TNRC6C: variants seen among roughly 807,000 people sequenced by gnomAD.
TNRC6C encodes trinucleotide repeat-containing gene 6C protein.
A neutral mutation model predicts 153.7 loss-of-function variants in TNRC6C; 20 were observed. The ratio of observed to expected loss-of-function variants is 0.13; its 90% CI spans 0.09 to 0.19. TNRC6C has a LOEUF of 0.19. Among genes scored for constraint, TNRC6C ranks in the 10% least tolerant of loss-of-function variants. TNRC6C has a pLI of 1.00. For missense variants in TNRC6C, 1,987 were observed against 2,172.0 expected, an observed-to-expected ratio of 0.91 and a Z score of 1.69; for synonymous variants, 811 against 841.4, an observed-to-expected ratio of 0.96 and a Z score of 0.63.
chr17:78,098,398 A>G, exon 17 of TNRC6C: 1 of 1,613,812 alleles, frequency 6.2e-7, no homozygotes, highest in South Asian at 1.1e-5. Flanking sequence ...CCCACACGCA[A>G]GCCTCTCTGT....
intron 19 of TNRC6C, 23 bp downstream of exon 22, chr17:78,103,576 C>G (rs780032603): frequency 6.2e-7 from 1 of 1,613,548 alleles, no homozygotes; most frequent in Non-Finnish European, 8.5e-7. Context: ...ACAGCCACCT[C>G]AGCGCTCCAA....
At chr17:77,982,732 A>G (rs959517612) in intron 1 of TNRC6C, among the ~76,000 whole-genome samples, 3 of 152,106 alleles carry the variant, frequency 2.0e-5, no homozygotes, top group African/African-American at 7.2e-5. Flanking sequence ...TCGGGAGGCT[A>G]AGGCAGGAGA....
intron 18 of TNRC6C, 133 bp from the exon 22 acceptor site, chr17:78,103,281 A>G: frequency 9.3e-7 from 1 of 1,074,034 alleles, no homozygotes; most frequent in Non-Finnish European, 1.3e-6. Flanking sequence ...GTAAAACCAC[A>G]TATTATTAGG....
Position 78,104,862 on chromosome 17 carries a change from C to T in TNRC6C, c.*17C>T. On this transcript the variant is annotated 3_prime_UTR_variant, in exon 20 of 20. Coordinates refer to ENST00000301624, the Ensembl canonical transcript of TNRC6C. This position sits in a 1 kb window ranked among gnomAD's most constrained non-coding sequence, Gnocchi z 6.2. ...TCCCTGTAGGCTCTGCCATCATCAGCACCAGGAGAGCCGACCCCTCCCGGG... is the reference window on the plus strand; with the variant it reads ...TCCCTGTAGGCTCTGCCATCATCAGTACCAGGAGAGCCGACCCCTCCCGGG... 7.1e-7 allele frequency: 1 copy of T among 1,403,852 alleles called. No individual in the cohort carries two copies. Among genetic ancestry groups the T allele is most frequent in the Non-Finnish European group, 9.2e-7 (1 of 1,082,486 alleles). The allele number at this position is 1,403,852 out of a possible 1,614,324, so 87.0% of individuals were successfully genotyped here. A position where few individuals can be genotyped will look rare whatever the true frequency, so the allele number is the denominator to read the frequency against.
intron 1 of TNRC6C, among the ~76,000 whole-genome samples, chr17:78,025,599 ATACC>A (rs1157066463): frequency 6.6e-6 from 1 of 152,112 alleles, no homozygotes; most frequent in Non-Finnish European, 1.5e-5. Context: ...ATTTGGGTAA[ATACC>A]TATTAGCTTT....
intron 1 of TNRC6C, among the ~76,000 whole-genome samples, chr17:78,009,998 C>T (rs1331354287): frequency 6.6e-6 from 1 of 152,168 alleles, no homozygotes; most frequent in African/African-American, 2.4e-5. Flanking sequence ...ATACCCCAAC[C>T]TCAGCCTCCC....
At chr17:77,958,415 T>C (rs975179643), upstream of TNRC6C, among the ~76,000 whole-genome samples, 4 of 151,644 alleles carry the variant, frequency 2.6e-5, no homozygotes, top group African/African-American at 9.7e-5. Context: ...CGCGCACCGC[T>C]CGCACCCCGG....
chr17:78,051,051 C>A (rs2144002393), exon 3 of TNRC6C: 1 of 1,611,514 alleles, frequency 6.2e-7, no homozygotes, highest in South Asian at 1.1e-5. Context: ...AACCTGGCCC[C>A]CAACAGAACT....
chr17:78,008,916 C>A (rs1350438211), intron 1 of TNRC6C: 1 of 152,168 alleles, frequency 6.6e-6, no homozygotes, highest in African/African-American at 2.4e-5. Flanking sequence ...CTCCACTGCT[C>A]CCCCGCAGTT....
intron 1 of TNRC6C, among the ~76,000 whole-genome samples, chr17:77,966,281 A>G (rs2070896257): frequency 6.6e-6 from 1 of 152,014 alleles, no homozygotes; most frequent in Non-Finnish European, 1.5e-5. Context: ...CTCCTTAGGA[A>G]CCGTTGGTGG....
At chr17:77,990,716 A>C (rs1430234950) in intron 1 of TNRC6C, among the ~76,000 whole-genome samples, 1 of 152,228 alleles carries the variant, frequency 6.6e-6, no homozygotes, top group Non-Finnish European at 1.5e-5. Flanking sequence ...GGTTTTAAAA[A>C]ATTCATTAAG....
intron 1 of TNRC6C, among the ~76,000 whole-genome samples, chr17:77,974,491 CA>C (rs560523229): frequency 2.0e-5 from 3 of 150,954 alleles, no homozygotes; most frequent in Non-Finnish European, 3.0e-5. Flanking sequence ...CGCCCCGCCC[CA>C]AAAAAAAAGT....
chr17:78,015,174 G>C (rs988349123), intron 1 of TNRC6C, among the ~76,000 whole-genome samples: 7 of 152,024 alleles, frequency 4.6e-5, no homozygotes, highest in African/African-American at 1.7e-4. Context: ...TTTTTTCATT[G>C]TGTGGGGTGT....
chr17:77,971,771 T>C (rs868152510), intron 1 of TNRC6C, among the ~76,000 whole-genome samples: 1 of 151,790 alleles, frequency 6.6e-6, no homozygotes. Flanking sequence ...TTTCACTCCA[T>C]GTATGTCCAT....
chr17:78,024,982 C>T (rs979818078), intron 1 of TNRC6C, among the ~76,000 whole-genome samples: 2 of 151,572 alleles, frequency 1.3e-5, no homozygotes, highest in Admixed American at 6.6e-5. Flanking sequence ...TTAATAGAGA[C>T]GGGGTTTCAC....
intron 13 of TNRC6C, among the ~76,000 whole-genome samples, chr17:78,090,424 T>TAG (rs2073372633): frequency 6.6e-6 from 1 of 152,166 alleles, no homozygotes; most frequent in Admixed American, 6.5e-5. Context: ...GGCTAAGTAG[T>TAG]AGAGGCTCAC....
At chr17:77,972,926 A>G (rs954487842) in intron 1 of TNRC6C, among the ~76,000 whole-genome samples, 9 of 152,214 alleles carry the variant, frequency 5.9e-5, no homozygotes, top group Admixed American at 5.9e-4. Flanking sequence ...ATTTTTTGAG[A>G]CAGAGTCTCG....
At chr17:78,022,387 A>T (rs1465223186) in intron 1 of TNRC6C, among the ~76,000 whole-genome samples, 1 of 152,236 alleles carries the variant, frequency 6.6e-6, no homozygotes, top group Non-Finnish European at 1.5e-5. Flanking sequence ...AAATGGACTG[A>T]TAACATTCAT....
intron 1 of TNRC6C, among the ~76,000 whole-genome samples, chr17:77,966,339 T>G (rs2070896637): frequency 6.6e-6 from 1 of 151,848 alleles, no homozygotes; most frequent in South Asian, 2.1e-4. Flanking sequence ...GAATCTTCCT[T>G]GAGCAGAGGT....
Sources: allele counts gnomAD v4.1 joint callset (sites outside exome capture counted in the v4.1 genomes callset), GRCh38; gene constraint gnomAD v4.1.1; non-coding constraint Gnocchi (gnomAD v3.1); transcripts MANE v1.5; gene names NCBI Gene and HGNC (gene_info 2026-07-23, HGNC 2026-07-21).